Variants in RARB observed in about 807,000 individuals in gnomAD.
The protein encoded by RARB is HBV-activated protein.
RARB carries 17 observed loss-of-function variants against 51.9 expected under a neutral mutation model. That is an observed-to-expected ratio of 0.33 (90% CI 0.22 to 0.49). RARB has a LOEUF of 0.49. RARB is among the 20% of genes least tolerant of loss of function. The pLI, the probability that RARB is intolerant of heterozygous loss-of-function variation, is 0.99. For synonymous variants in RARB, 215 were observed against 195.4 expected (o/e 1.10, Z -0.84); for missense variants, 369 against 550.8 (o/e 0.67, Z 3.30).
At chr3:25,206,675 T>G (rs1219509050) in intron 5 of RARB, among the ~76,000 whole-genome samples, 2 of 152,192 alleles carry the variant, frequency 1.3e-5, no homozygotes, top group East Asian at 3.8e-4. Context: ...AGTAGCTCAA[T>G]GAAACACACA....
At chr3:25,349,206 A>G (rs1299937247) in intron 5 of RARB, among the ~76,000 whole-genome samples, 3 of 152,202 alleles carry the variant, frequency 2.0e-5, no homozygotes, top group African/African-American at 7.2e-5. Flanking sequence ...GACTTGCACT[A>G]CCTGGTAAAT....
chr3:24,965,652 T>C (rs1696238481), intron 2 of RARB, among the ~76,000 whole-genome samples: 1 of 152,158 alleles, frequency 6.6e-6, no homozygotes, highest in African/African-American at 2.4e-5. Context: ...CAGAAAAATT[T>C]AGTATCTGTC....
At chr3:25,567,518 A>G (rs534926909) in intron 3 of RARB, among the ~76,000 whole-genome samples, 1 of 152,098 alleles carries the variant, frequency 6.6e-6, no homozygotes, top group Non-Finnish European at 1.5e-5. Context: ...CACCATAAGG[A>G]CGTCCTAGAT....
chr3:24,963,769 T>C (rs1031947083), intron 2 of RARB, among the ~76,000 whole-genome samples: 7 of 152,056 alleles, frequency 4.6e-5, no homozygotes, highest in African/African-American at 1.7e-4. Flanking sequence ...AGAAAATACC[T>C]AATACAATTA....
At chr3:25,402,763 A>C (rs1707296868) in intron 5 of RARB, among the ~76,000 whole-genome samples, 1 of 152,164 alleles carries the variant, frequency 6.6e-6, no homozygotes, top group South Asian at 2.1e-4. Context: ...AAAACAATTG[A>C]ACTCATGGCC....
chr3:25,405,654 A>G (rs11711018), intron 5 of RARB, among the ~76,000 whole-genome samples: 17,540 of 152,232 alleles, frequency 0.12, 1,093 homozygotes, highest in South Asian at 0.18. Context: ...TTAAATTTAA[A>G]TGAAATGAAA....
At chr3:25,307,635 C>T (rs865891141) in intron 5 of RARB, among the ~76,000 whole-genome samples, 10 of 152,178 alleles carry the variant, frequency 6.6e-5, no homozygotes, top group Admixed American at 5.9e-4. Context: ...GCTTTCTGCA[C>T]CCCCTGCTAA....
chr3:24,948,248 A>T (rs1407141253), intron 2 of RARB, among the ~76,000 whole-genome samples: 1 of 152,164 alleles, frequency 6.6e-6, no homozygotes, highest in African/African-American at 2.4e-5. Context: ...CCCCCTGCCC[A>T]TGGTGATGGA....
intron 2 of RARB, among the ~76,000 whole-genome samples, chr3:25,045,677 A>G (rs1307380128): frequency 6.6e-6 from 1 of 152,220 alleles, no homozygotes; most frequent in Non-Finnish European, 1.5e-5. Flanking sequence ...TAAAAAATGT[A>G]AGCTATGAGT....
At chr3:25,074,467 G>A (rs1698831218) in intron 3 of RARB, among the ~76,000 whole-genome samples, 1 of 152,108 alleles carries the variant, frequency 6.6e-6, no homozygotes, top group African/African-American at 2.4e-5. Flanking sequence ...ACTGTTACTT[G>A]TTCTCCCTCA....
chr3:25,523,611 T>A (rs539666901), intron 3 of RARB, among the ~76,000 whole-genome samples: 6 of 152,246 alleles, frequency 3.9e-5, no homozygotes, highest in Admixed American at 2.0e-4. Flanking sequence ...CTGAACTGAA[T>A]AAACTACAAA....
intron 3 of RARB, among the ~76,000 whole-genome samples, chr3:25,092,876 T>A (rs945738629): frequency 4.6e-5 from 7 of 152,156 alleles, no homozygotes; most frequent in African/African-American, 1.7e-4. Flanking sequence ...CATGTTCATT[T>A]AGGAGGTAGA....
At chr3:25,045,933 T>C (rs1698205171) in intron 2 of RARB, among the ~76,000 whole-genome samples, 1 of 152,232 alleles carries the variant, frequency 6.6e-6, no homozygotes, top group South Asian at 2.1e-4. Context: ...CATAGGAAAA[T>C]GGTTTGATCA....
intron 3 of RARB, among the ~76,000 whole-genome samples, chr3:25,520,094 C>T (rs1698340819): frequency 6.6e-6 from 1 of 152,168 alleles, no homozygotes; most frequent in African/African-American, 2.4e-5. Flanking sequence ...GCTGCTGCCT[C>T]CTTGCTAAAC....
At chr3:25,146,030 A>AC (rs1249990497) in intron 4 of RARB, among the ~76,000 whole-genome samples, 1 of 151,866 alleles carries the variant, frequency 6.6e-6, no homozygotes, top group Non-Finnish European at 1.5e-5. Context: ...TGCCTAAGAG[A>AC]CATACTGATT....
intron 2 of RARB, among the ~76,000 whole-genome samples, chr3:25,475,080 A>G: frequency 6.6e-6 from 1 of 152,208 alleles, no homozygotes; most frequent in African/African-American, 2.4e-5. Flanking sequence ...TAATGCAGGC[A>G]CTTCTTTTGC....
intron 5 of RARB, among the ~76,000 whole-genome samples, chr3:25,290,785 A>G (rs1703767291): frequency 6.6e-6 from 1 of 152,126 alleles, no homozygotes; most frequent in South Asian, 2.1e-4. Context: ...TGAGGGATGC[A>G]CTTAGCGCTC....
In RARB at chr3:25,594,561, C is replaced by A. The variant is rs1337320134; in HGVS notation, c.1033C>A (p.Gln345Lys). ...LEEPTKVDKL[Q>K]EPLLEALKIY... Reference sequence around the variant, plus strand: ...GGAACCGACAAAAGTAGATAAGCTACAAGAACCATTGCTGGAAGCACTAAA... The same window carrying A: ...GGAACCGACAAAAGTAGATAAGCTAAAAGAACCATTGCTGGAAGCACTAAA... The change falls in exon 7 of 8, where the codon CAA (glutamine) becomes AAA (lysine). Residue 345 changes from glutamine to lysine, a missense_variant. Transcript: ENST00000330688. The A allele has an allele frequency of 6.2e-7, 1 of 1,613,382 alleles. No individual in the cohort carries two copies.
At chr3:24,913,388 TTCTCTC>T (rs200133236) in intron 2 of RARB, among the ~76,000 whole-genome samples, 3 of 137,586 alleles carry the variant, frequency 2.2e-5, no homozygotes, top group South Asian at 2.3e-4. Context: ...ATAGTCTTCT[TTCTCTC>T]TCTCTCTCTT....
Sources: gnomAD v4.1 joint callset for allele counts (sites outside exome capture counted in the v4.1 genomes callset) on GRCh38, gnomAD v4.1.1 for gene constraint, MANE v1.5 for transcripts, NCBI Gene and HGNC (gene_info 2026-07-23, HGNC 2026-07-21) for gene names.